Variants in RBFOX1 observed in about 807,000 individuals in gnomAD.
The protein encoded by RBFOX1 is RNA binding fox-1 homolog 1.
In RBFOX1, 8 loss-of-function variants were observed where a neutral mutation model predicts 57.7. The ratio of observed to expected loss-of-function variants is 0.14; its 90% CI spans 0.08 to 0.25. The LOEUF is 0.25. Among genes scored for constraint, RBFOX1 ranks in the 10% least tolerant of loss-of-function variants. The pLI is 1.00. For missense variants in RBFOX1, 611 were observed against 548.5 expected (o/e 1.11, Z -1.14); for synonymous variants, 326 against 222.4 (o/e 1.47, Z -4.15).
chr16:5,858,716 T>A (rs751211424), intron 3 of RBFOX1, among the ~76,000 whole-genome samples: 1 of 152,218 alleles, frequency 6.6e-6, no homozygotes, highest in Non-Finnish European at 1.5e-5. Flanking sequence ...CATTTATTCA[T>A]TGGACATGTC....
At chr16:5,485,646 A>T (rs1675656577) in intron 2 of RBFOX1, among the ~76,000 whole-genome samples, 1 of 152,232 alleles carries the variant, frequency 6.6e-6, no homozygotes, top group African/African-American at 2.4e-5. Flanking sequence ...ACTGAGGCTC[A>T]GCAAGGTTAA....
rs908175099 is a variant in RBFOX1 at position 6,620,462 on chromosome 16, C to T, written c.-63-34141C>T. Reference sequence around the variant, plus strand: ...CTGGAGAAACAAGAGCAAACAAATCCCAAAGCTAGCAGAAGACAGGAAATA... The same window carrying T: ...CTGGAGAAACAAGAGCAAACAAATCTCAAAGCTAGCAGAAGACAGGAAATA... On this transcript the variant is annotated intron_variant, in intron 2 of 15. Transcript: ENST00000550418. 2.0e-5 allele frequency among the ~76,000 whole-genome samples: 3 copies of T among 151,918 alleles called. No homozygotes were observed. In the East Asian group the frequency reaches 5.8e-4, roughly 29 times the overall value.
At chr16:6,202,898 A>T (rs1274955091) in intron 1 of RBFOX1, among the ~76,000 whole-genome samples, 2 of 151,996 alleles carry the variant, frequency 1.3e-5, no homozygotes, top group African/African-American at 4.8e-5. Context: ...TCAGCCTCCC[A>T]AGTAGCTGGG....
At chr16:5,980,994 A>T (rs923616942) in intron 4 of RBFOX1, among the ~76,000 whole-genome samples, 2 of 152,216 alleles carry the variant, frequency 1.3e-5, no homozygotes, top group African/African-American at 4.8e-5. Flanking sequence ...GCAGACCCAC[A>T]GCCTGCCTCC....
intron 4 of RBFOX1, among the ~76,000 whole-genome samples, chr16:7,393,686 A>G (rs61655438): frequency 0.081 from 12,331 of 152,076 alleles, 536 homozygotes; most frequent in East Asian, 0.2. Context: ...GCCAAGGATT[A>G]TTTCACTGAG....
intron 3 of RBFOX1, among the ~76,000 whole-genome samples, chr16:6,715,339 G>C (rs999597308): frequency 4.6e-5 from 7 of 151,986 alleles, no homozygotes; most frequent in African/African-American, 1.5e-4. Flanking sequence ...TGGGACCAGG[G>C]TGCGGAGGGA....
intron 1 of RBFOX1, among the ~76,000 whole-genome samples, chr16:6,116,561 A>G (rs1037724824): frequency 6.6e-6 from 1 of 152,212 alleles, no homozygotes; most frequent in Non-Finnish European, 1.5e-5. Context: ...CTGCTTGGAG[A>G]TGAAGCCAGT....
At chr16:7,357,212 A>G (rs917388674) in intron 4 of RBFOX1, among the ~76,000 whole-genome samples, 2 of 150,342 alleles carry the variant, frequency 1.3e-5, no homozygotes, top group Non-Finnish European at 2.9e-5. Flanking sequence ...AATCATCCTG[A>G]TAAGAGTCGG....
At chr16:6,869,917 T>G (rs2060577701) in intron 3 of RBFOX1, among the ~76,000 whole-genome samples, 2 of 152,182 alleles carry the variant, frequency 1.3e-5, no homozygotes, top group Non-Finnish European at 2.9e-5. Context: ...AGCCATAAAT[T>G]ACTTATATCA....
intron 3 of RBFOX1, among the ~76,000 whole-genome samples, chr16:6,880,221 CG>C (rs1567689752): frequency 1.3e-5 from 2 of 151,824 alleles, no homozygotes; most frequent in Non-Finnish European, 2.9e-5. Flanking sequence ...AATTTTCCAC[CG>C]GGGGGTAGCA....
At chr16:6,862,802 T>G (rs933580356) in intron 3 of RBFOX1, among the ~76,000 whole-genome samples, 2 of 152,038 alleles carry the variant, frequency 1.3e-5, no homozygotes, top group Non-Finnish European at 2.9e-5. Context: ...CTGGCCAAAA[T>G]GGTGAAACCT....
chr16:7,653,859 C>G lies in RBFOX1; in HGVS notation c.802C>G (p.Arg268Gly). The change falls in exon 12 of 16, where the codon CGA (arginine) becomes GGA (glycine). Residue 268 changes from arginine to glycine, a missense_variant. Physicochemically the swap from Arg to Gly is moderately radical, Grantham distance 125 (BLOSUM62 -2). This residue lies in a region of RBFOX1 where 267 missense variants were observed against 229.1 expected (regional missense o/e 1.17). Coordinates refer to ENST00000550418, the MANE Select transcript of RBFOX1 (RefSeq NM_018723.4). ...AGCAGCCACCGCCGCGGCCGCCTAC[C>G]GAGGGGCGCACCTGCGAGGCCGCGG... Reference protein sequence around the residue: ...YPAATAAAAYRGAHLRGRGRT... With the variant: ...YPAATAAAAYGGAHLRGRGRT... 2 of 1,605,888 alleles carry G rather than the reference C, an allele frequency of 1.2e-6. No homozygotes were observed. Among genetic ancestry groups the G allele is most frequent in the Non-Finnish European group, 1.7e-6 (2 of 1,179,512 alleles).
At chr16:5,945,671 C>A (rs947832441) in intron 4 of RBFOX1, among the ~76,000 whole-genome samples, 1 of 152,210 alleles carries the variant, frequency 6.6e-6, no homozygotes, top group African/African-American at 2.4e-5. Context: ...GGCTTTAGCA[C>A]CCCTGCCCTT....
At chr16:6,522,817 C>T (rs1429813919) in intron 2 of RBFOX1, among the ~76,000 whole-genome samples, 1 of 152,158 alleles carries the variant, frequency 6.6e-6, no homozygotes, top group African/African-American at 2.4e-5. Flanking sequence ...CCTTGACCTG[C>T]AGGTTTTGTG....
At chr16:7,177,206 A>G (rs2081851134) in intron 4 of RBFOX1, among the ~76,000 whole-genome samples, 1 of 152,162 alleles carries the variant, frequency 6.6e-6, no homozygotes, top group Non-Finnish European at 1.5e-5. Context: ...CGACAATACA[A>G]CCGCTTCCAA....
At chr16:7,130,032 A>G (rs1265133416) in intron 4 of RBFOX1, among the ~76,000 whole-genome samples, 1 of 133,414 alleles carries the variant, frequency 7.5e-6, no homozygotes, top group African/African-American at 2.8e-5. Context: ...ATTTTTGAAG[A>G]TTTTTTTTTT....
intron 3 of RBFOX1, among the ~76,000 whole-genome samples, chr16:6,930,439 TCA>T (rs1280435429): frequency 6.6e-6 from 1 of 152,114 alleles, no homozygotes; most frequent in Non-Finnish European, 1.5e-5. Context: ...AGAAACAGTC[TCA>T]CTCTGTCACC....
intron 3 of RBFOX1, among the ~76,000 whole-genome samples, chr16:6,792,576 G>C (rs1398128130): frequency 1.3e-5 from 2 of 152,184 alleles, no homozygotes; most frequent in South Asian, 2.1e-4. Flanking sequence ...ACGCCATGTA[G>C]TACTGTGCCT....
intron 10 of RBFOX1, among the ~76,000 whole-genome samples, chr16:7,629,222 T>C (rs1378475270): frequency 6.6e-6 from 1 of 151,922 alleles, no homozygotes; most frequent in African/African-American, 2.4e-5. Context: ...GTGAGATGGG[T>C]TAGAAAGAAT....
Sources: gnomAD v4.1 joint callset for allele counts (sites outside exome capture counted in the v4.1 genomes callset) on GRCh38, gnomAD v4.1.1 for gene constraint, gnomAD v4.1.1 regional missense constraint, MANE v1.5 for transcripts, NCBI Gene and HGNC (gene_info 2026-07-23, HGNC 2026-07-21) for gene names.